The following KCTD20 variants were observed in gnomAD, a reference collection of about 807,000 sequenced individuals.
The protein encoded by KCTD20 is BTB/POZ domain-containing protein KCTD20.
KCTD20 carries 30 observed loss-of-function variants against 39.6 expected under a neutral mutation model. That is an observed-to-expected ratio of 0.76 (90% CI 0.57 to 1.03). The LOEUF (loss-of-function observed/expected upper bound fraction) is 1.03. KCTD20 is among the 50% of genes least tolerant of loss of function. The probability of loss-of-function intolerance (pLI) is 0.00; values close to 1 mark genes in which losing one functional copy is unlikely to be tolerated. For synonymous variants in KCTD20, 162 were observed against 180.6 expected (o/e 0.90, Z 0.83); for missense variants, 422 against 522.0 (o/e 0.81, Z 1.87).
intron 1 of KCTD20, among the ~76,000 whole-genome samples, chr6:36,448,040 T>TATA (rs1561940752): frequency 2.1e-5 from 3 of 146,232 alleles, no homozygotes; most frequent in South Asian, 2.1e-4. Flanking sequence ...TATATATATA[T>TATA]TTGAAATACT....
rs574195918 is a variant in KCTD20, at chr6:36,458,583, A to G, written c.-46-11469A>G. 1.8e-3 allele frequency among the ~76,000 whole-genome samples: 270 copies of G among 150,134 alleles called. 3 individuals are homozygous for G. The highest frequency in any genetic ancestry group is 4.0e-3 in the Admixed American group (60 of 15,112). On this transcript the variant is annotated intron_variant, in intron 1 of 7. Transcript: ENST00000373731. ...AAAGAAAAGAAAGAAAGGTCTGGCT[A>G]TGTTGCCCAGGCTGGTCTTGAACTC...
intron 2 of KCTD20, among the ~76,000 whole-genome samples, chr6:36,472,539 C>CT (rs68066245): frequency 0.27 from 40,481 of 148,132 alleles, 6,137 homozygotes; most frequent in African/African-American, 0.42. Flanking sequence ...GTATTGATAA[C>CT]TTTTTTTTTT....
intron 3 of KCTD20, 59 bp from the exon 4 acceptor site, chr6:36,479,062 A>T (rs939822362): frequency 1.8e-6 from 2 of 1,137,054 alleles, no homozygotes. Context: ...GAAGGGAGAA[A>T]TCTCATCTGT....
intron 1 of KCTD20, among the ~76,000 whole-genome samples, chr6:36,460,291 A>G (rs1280605952): frequency 2.0e-5 from 3 of 150,878 alleles, no homozygotes; most frequent in African/African-American, 7.4e-5. Context: ...AAGTTGAAAG[A>G]AGTTACAGCA....
intron 5 of KCTD20, among the ~76,000 whole-genome samples, 168 bp from the exon 6 acceptor site, chr6:36,481,394 A>C (rs1255907792): frequency 6.6e-6 from 1 of 152,246 alleles, no homozygotes; most frequent in African/African-American, 2.4e-5. Context: ...GACATACCTT[A>C]ACAAAGCTTA....
intron 6 of KCTD20, among the ~76,000 whole-genome samples, chr6:36,482,907 C>T (rs540751742): frequency 1.4e-5 from 2 of 145,686 alleles, no homozygotes; most frequent in African/African-American, 2.6e-5. Flanking sequence ...GATCACACCA[C>T]TGCACTTCAG....
rs1462702120 is a variant in KCTD20, at chr6:36,470,142, G to A, written c.45G>A (p.Gln15=). Residue 15 remains glutamine, a synonymous_variant, in exon 2 of 8, where the codon CAG becomes CAA. Coordinates refer to ENST00000373731, the MANE Select transcript of KCTD20 (RefSeq NM_173562.5). ...RGSDSDRLLR[Q]EASCLVDDTL... ...GTGACAGTGACAGGTTATTGCGGCAGGAGGCCAGCTGCTTAGTGGATGATA... is the reference window on the plus strand; with the variant it reads ...GTGACAGTGACAGGTTATTGCGGCAAGAGGCCAGCTGCTTAGTGGATGATA... The A allele has an allele frequency of 1.7e-5, 28 of 1,613,896 alleles. No homozygotes were observed. Among genetic ancestry groups the A allele is most frequent in the Non-Finnish European group, 2.4e-5 (28 of 1,179,926 alleles).
At chr6:36,448,605 A>G (rs558507833) in intron 1 of KCTD20, among the ~76,000 whole-genome samples, 2 of 152,282 alleles carry the variant, frequency 1.3e-5, no homozygotes, top group African/African-American at 4.8e-5. Flanking sequence ...TTTTCTCACA[A>G]TTTTGGAAGC....
chr6:36,471,800 G>A (rs568641569), intron 2 of KCTD20, among the ~76,000 whole-genome samples: 1 of 152,050 alleles, frequency 6.6e-6, no homozygotes, highest in South Asian at 2.1e-4. Context: ...CATTATTGGG[G>A]AGAAATCAAG....
At position 36,470,119 on chromosome 6, in the gene KCTD20, G is replaced by C. The variant is rs773626212; in HGVS notation, c.22G>C (p.Asp8His). 1.2e-6 allele frequency: 2 copies of C among 1,613,760 alleles called. No homozygotes were observed. Among genetic ancestry groups the C allele is most frequent in the Non-Finnish European group, 1.7e-6 (2 of 1,179,778 alleles). ...AAGGATGAATGTTCACCGTGGCAGT[G>C]ACAGTGACAGGTTATTGCGGCAGGA... is the stretch of plus-strand genomic sequence containing the variant. MNVHRGS[D>H]SDRLLRQEAS... The change falls in exon 2 of 8, where the codon GAC becomes CAC. Residue 8 changes from aspartate (D) to histidine (H), a missense_variant. By Grantham distance (81) the Asp-to-His change is moderately conservative. Coordinates refer to ENST00000373731, the MANE Select transcript of KCTD20 (RefSeq NM_173562.5).
intron 3 of KCTD20, among the ~76,000 whole-genome samples, chr6:36,477,924 T>C (rs1161305709): frequency 6.6e-6 from 1 of 150,596 alleles, no homozygotes; most frequent in African/African-American, 2.4e-5. Context: ...AAACCCTGTC[T>C]CTACTAAAAA....
intron 3 of KCTD20, among the ~76,000 whole-genome samples, chr6:36,478,798 CAG>C (rs1456062591): frequency 6.6e-6 from 1 of 152,170 alleles, no homozygotes; most frequent in East Asian, 1.9e-4. Context: ...CATCTCAACA[CAG>C]ATATTTTCCA....
At chr6:36,477,408 C>T (rs1380111213) in intron 3 of KCTD20, among the ~76,000 whole-genome samples, 1 of 151,658 alleles carries the variant, frequency 6.6e-6, no homozygotes, top group Admixed American at 6.6e-5. Context: ...TCTTTGGAGG[C>T]TTTTATCAAG....
At chr6:36,445,730 C>A (rs1464864286) in intron 1 of KCTD20, among the ~76,000 whole-genome samples, 1 of 152,206 alleles carries the variant, frequency 6.6e-6, no homozygotes, top group Non-Finnish European at 1.5e-5. Context: ...GTGAGGACTT[C>A]TGGCTCCTAG....
intron 1 of KCTD20, among the ~76,000 whole-genome samples, chr6:36,467,582 C>A (rs1300546719): frequency 6.6e-6 from 1 of 151,472 alleles, no homozygotes; most frequent in Admixed American, 6.6e-5. Context: ...GTGATCCGCC[C>A]GCCCCAGCCT....
chr6:36,486,981 G>A lies in KCTD20; in HGVS notation c.1066G>A (p.Glu356Lys). 6.2e-7 allele frequency: 1 copy of A among 1,614,154 alleles called. No homozygotes were observed. Among genetic ancestry groups the A allele is most frequent in the Non-Finnish European group, 8.5e-7 (1 of 1,179,980 alleles). The change falls in exon 8 of 8, where the codon GAA becomes AAA. Residue 356 changes from glutamate to lysine, a missense_variant. Physicochemically the swap from Glu to Lys is moderately conservative, Grantham distance 56. Transcript: ENST00000373731. ...ACGCCCCTTCATCCAGATGTCATGG[G>A]AAAAGGAAGAAGGGAAGAGTCGCCA... ...VQRPFIQMSWEKEEGKSRHVD... is the reference protein window; with the variant it reads ...VQRPFIQMSWKKEEGKSRHVD...
rs1384309686 is a variant in KCTD20, at chr6:36,448,013, GTGTATA to G, written c.-47+4904_-47+4909del. On this transcript the variant is annotated intron_variant, in intron 1 of 7. Coordinates refer to ENST00000373731, the MANE Select transcript of KCTD20 (RefSeq NM_173562.5). ...CTCCAAAATATATGTGTATGTGTGTGTGTATATATATATATATATATATATATTTGA... is the reference window on the plus strand; with the variant it reads ...CTCCAAAATATATGTGTATGTGTGTGTATATATATATATATATATATTTGA... Among the ~76,000 whole-genome samples, 226 of 128,944 alleles carry G rather than the reference GTGTATA, an allele frequency of 1.8e-3. 1 individual carries two copies. Among genetic ancestry groups the G allele is most frequent in the African/African-American group, 5.5e-3 (170 of 30,830 alleles). The allele number at this position is 128,944 out of a possible 152,430, so 84.6% of individuals were successfully genotyped here. A position where few individuals can be genotyped will look rare whatever the true frequency, so the allele number is the denominator to read the frequency against.
Position 36,487,187 on chromosome 6 carries a change from G to T in KCTD20, c.*12G>T. ...ACTTTCAGGATTAGGGCCAGCTGTG[G>T]GTCTACTCCTTGTTGGAGCCCATCT... On this transcript the variant is annotated 3_prime_UTR_variant, in exon 8 of 8. Coordinates refer to ENST00000373731, the MANE Select transcript of KCTD20 (RefSeq NM_173562.5). 1 of 1,601,784 alleles carries T rather than the reference G, an allele frequency of 6.2e-7. No homozygotes were observed.
intron 1 of KCTD20, among the ~76,000 whole-genome samples, chr6:36,447,428 G>A (rs979748469): frequency 2.6e-5 from 4 of 152,098 alleles, no homozygotes; most frequent in African/African-American, 9.7e-5. Flanking sequence ...AGGAGTTTGA[G>A]ACCATCCTGG....
Sources: allele counts gnomAD v4.1 joint callset (sites outside exome capture counted in the v4.1 genomes callset), GRCh38; gene constraint gnomAD v4.1.1; transcripts MANE v1.5; gene names NCBI Gene and HGNC (gene_info 2026-07-23, HGNC 2026-07-21).